The following GRIA4 variants were observed in gnomAD, a reference collection of about 807,000 sequenced individuals.
GRIA4 encodes the protein glutamate receptor 4.
In GRIA4, 34 loss-of-function variants were observed where a neutral mutation model predicts 104.0. The ratio of observed to expected loss-of-function variants is 0.33; its 90% CI spans 0.25 to 0.44. GRIA4 has a LOEUF of 0.44. Among genes scored for constraint, GRIA4 ranks in the 20% least tolerant of loss-of-function variants. The pLI is 1.00. For synonymous variants in GRIA4, 386 were observed against 381.9 expected (o/e 1.01, Z -0.13); for missense variants, 750 against 1,096.5 (o/e 0.68, Z 4.46).
At chr11:105,811,369 G>A (rs1259575122) in intron 4 of GRIA4, among the ~76,000 whole-genome samples, 3 of 152,116 alleles carry the variant, frequency 2.0e-5, no homozygotes, top group African/African-American at 7.2e-5. Context: ...CATCTCTTTA[G>A]TTCCTTTTTC....
At chr11:105,628,067 A>C (rs1950933199) in intron 3 of GRIA4, among the ~76,000 whole-genome samples, 2 of 151,992 alleles carry the variant, frequency 1.3e-5, no homozygotes, top group South Asian at 4.1e-4. Flanking sequence ...AATTACCATC[A>C]TATATATGTG....
At chr11:105,750,637 A>G (rs1228619607) in intron 3 of GRIA4, among the ~76,000 whole-genome samples, 1 of 152,220 alleles carries the variant, frequency 6.6e-6, no homozygotes, top group Non-Finnish European at 1.5e-5. Context: ...CAGAATAGTG[A>G]AAAGTCATAA....
chr11:105,877,770 G>A (rs1358729837), intron 5 of GRIA4, among the ~76,000 whole-genome samples: 1 of 152,046 alleles, frequency 6.6e-6, no homozygotes, highest in African/African-American at 2.4e-5. Context: ...GGTCATTTAT[G>A]TTCTTCTCCA....
chr11:105,740,347 C>G (rs551297537), intron 3 of GRIA4, among the ~76,000 whole-genome samples: 16 of 152,344 alleles, frequency 1.1e-4, no homozygotes, highest in Admixed American at 9.2e-4. Context: ...CCAGGGTCAA[C>G]TCAGCAACCT....
chr11:105,861,541 G>A (rs1945224819), intron 4 of GRIA4, among the ~76,000 whole-genome samples: 1 of 152,030 alleles, frequency 6.6e-6, no homozygotes. Flanking sequence ...CGAGAATAAT[G>A]AGTCCTCAAT....
chr11:105,612,807 T>C, intron 3 of GRIA4: 1 of 169,074 alleles, frequency 5.9e-6, no homozygotes, highest in Non-Finnish European at 1.3e-5. Flanking sequence ...ATTCTTTTCC[T>C]TTGGTTTTTC....
At chr11:105,790,322 T>A (rs762584380) in intron 4 of GRIA4, among the ~76,000 whole-genome samples, 1 of 152,234 alleles carries the variant, frequency 6.6e-6, no homozygotes, top group Non-Finnish European at 1.5e-5. Flanking sequence ...CACGCTTTAG[T>A]AATTCACTGC....
At chr11:105,816,280 G>A (rs897951493) in intron 4 of GRIA4, among the ~76,000 whole-genome samples, 1 of 152,186 alleles carries the variant, frequency 6.6e-6, no homozygotes, top group African/African-American at 2.4e-5. Flanking sequence ...AAATCTCATA[G>A]TGAAATGTAA....
chr11:105,789,970 A>G (rs1942143743), intron 4 of GRIA4, among the ~76,000 whole-genome samples: 1 of 152,180 alleles, frequency 6.6e-6, no homozygotes, highest in East Asian at 1.9e-4. Context: ...ATGGACAGCA[A>G]CACTGATGGA....
chr11:105,892,985 A>G (rs1021665006), intron 6 of GRIA4, among the ~76,000 whole-genome samples: 1 of 152,218 alleles, frequency 6.6e-6, no homozygotes, highest in Non-Finnish European at 1.5e-5. Context: ...GTAAATTTAC[A>G]TAAATAGTCA....
intron 3 of GRIA4, among the ~76,000 whole-genome samples, chr11:105,698,548 A>C (rs1173252354): frequency 6.6e-6 from 1 of 152,178 alleles, no homozygotes; most frequent in Non-Finnish European, 1.5e-5. Flanking sequence ...CTTTGCAATG[A>C]GACACGAAAG....
At chr11:105,849,540 G>T (rs1944722440) in intron 4 of GRIA4, among the ~76,000 whole-genome samples, 1 of 152,216 alleles carries the variant, frequency 6.6e-6, no homozygotes, top group Admixed American at 6.5e-5. Flanking sequence ...ATTTGGCAAT[G>T]ACGCTGAACT....
At chr11:105,712,859 GA>G (rs936782783) in intron 3 of GRIA4, among the ~76,000 whole-genome samples, 1 of 151,152 alleles carries the variant, frequency 6.6e-6, no homozygotes, top group Admixed American at 6.6e-5. Flanking sequence ...GGAAAAAAAA[GA>G]AAAAAAATAT....
At chr11:105,805,478 GAA>G (rs57123559) in intron 4 of GRIA4, among the ~76,000 whole-genome samples, 1,155 of 92,460 alleles carry the variant, frequency 0.012, 24 homozygotes, top group African/African-American at 0.046. Flanking sequence ...AAGAAATCAG[GAA>G]AAAAAAAAAA....
chr11:105,632,004 G>T (rs1162920667), intron 3 of GRIA4, among the ~76,000 whole-genome samples: 1 of 152,090 alleles, frequency 6.6e-6, no homozygotes, highest in Non-Finnish European at 1.5e-5. Context: ...CATTGGATAT[G>T]AATGAATAGT....
intron 5 of GRIA4, among the ~76,000 whole-genome samples, chr11:105,866,424 C>T (rs758260875): frequency 1.7e-4 from 25 of 151,046 alleles, no homozygotes; most frequent in Non-Finnish European, 3.5e-4. Flanking sequence ...TAAGTCCCCA[C>T]TGTGTTGTGT....
intron 3 of GRIA4, among the ~76,000 whole-genome samples, chr11:105,697,111 T>C (rs1424532873): frequency 6.6e-6 from 1 of 152,158 alleles, no homozygotes; most frequent in African/African-American, 2.4e-5. Context: ...TTGTTTGTAT[T>C]CTCTAGCATA....
chr11:105,871,165 T>C (rs1945600625), intron 5 of GRIA4, among the ~76,000 whole-genome samples: 1 of 152,098 alleles, frequency 6.6e-6, no homozygotes, highest in South Asian at 2.1e-4. Context: ...CATATAGTGA[T>C]AATGAGAAAT....
chr11:105,783,354 T>C (rs1390917232), intron 4 of GRIA4, among the ~76,000 whole-genome samples: 1 of 152,192 alleles, frequency 6.6e-6, no homozygotes, highest in East Asian at 1.9e-4. Flanking sequence ...GAACACAAAG[T>C]CACATAATCT....
Sources: allele counts gnomAD v4.1 joint callset (sites outside exome capture counted in the v4.1 genomes callset), GRCh38; gene constraint gnomAD v4.1.1; transcripts MANE v1.5; gene names NCBI Gene and HGNC (gene_info 2026-07-23, HGNC 2026-07-21).